OLAH: variants seen among roughly 807,000 people sequenced by gnomAD.
OLAH encodes the protein oleoyl-ACP hydrolase, also known as S-acyl fatty acid synthase thioesterase, medium chain.
A neutral mutation model predicts 27.8 loss-of-function variants in OLAH; 33 were observed. The ratio of observed to expected loss-of-function variants is 1.19; its 90% CI spans 0.90 to 1.59. The LOEUF (loss-of-function observed/expected upper bound fraction) is 1.59. Among genes scored for constraint, OLAH ranks in the 40% most tolerant of loss-of-function variants. OLAH has a pLI of 0.00. For synonymous variants in OLAH, 120 were observed against 102.9 expected, an observed-to-expected ratio of 1.17 and a Z score of -1.01; for missense variants, 359 against 310.8, an observed-to-expected ratio of 1.16 and a Z score of -1.17.
At chr10:15,051,790 C>A (rs1327440020) in intron 3 of OLAH, among the ~76,000 whole-genome samples, 1 of 151,952 alleles carries the variant, frequency 6.6e-6, no homozygotes, top group Non-Finnish European at 1.5e-5. Flanking sequence ...ATCATGTATT[C>A]TTTGGATGAA....
At chr10:15,060,472 C>T (rs10796254) in intron 3 of OLAH, among the ~76,000 whole-genome samples, 27,625 of 151,836 alleles carry the variant, frequency 0.18, 2,711 homozygotes, top group East Asian at 0.31. Context: ...GCCTGGCCAA[C>T]ATGCTTAATT....
intron 3 of OLAH, among the ~76,000 whole-genome samples, chr10:15,060,944 G>C (rs917945298): frequency 1.3e-5 from 2 of 152,172 alleles, no homozygotes; most frequent in African/African-American, 4.8e-5. Flanking sequence ...CTTGATGTTT[G>C]ATTCTGGAGA....
At chr10:15,039,525 C>G (rs1022609891), upstream of OLAH, among the ~76,000 whole-genome samples, 1 of 152,038 alleles carries the variant, frequency 6.6e-6, no homozygotes, top group Admixed American at 6.6e-5. Context: ...TGCAGTGAGC[C>G]GAGATTGTGC....
Position 15,073,371 on chromosome 10 carries a change from T to A in OLAH, c.*142T>A, listed in dbSNP as rs534927849. On this transcript the variant is annotated 3_prime_UTR_variant, in exon 8 of 8. Coordinates refer to ENST00000378228, the MANE Select transcript of OLAH (RefSeq NM_001039702.3). The stretch of plus-strand genomic sequence containing the variant: ...TTCGTTACATAAATATATTTACGTA[T>A]CTGGGGACAAAGGTCAAGCCAGTAA... 10 of 637,654 alleles carry A rather than the reference T, an allele frequency of 1.6e-5. No homozygotes were observed. Among genetic ancestry groups the A allele is most frequent in the Non-Finnish European group, 2.6e-5 (10 of 382,794 alleles). The allele number at this position is 637,654 out of a possible 1,614,324, so 39.5% of individuals were successfully genotyped here.
intron 6 of OLAH, among the ~76,000 whole-genome samples, chr10:15,066,599 T>TTTTTA (rs1449110662): frequency 6.7e-6 from 1 of 150,156 alleles, no homozygotes; most frequent in Non-Finnish European, 1.5e-5. Context: ...ATCTTTCCTA[T>TTTTTA]TTTTATTTTA....
intron 5 of OLAH, 101 bp downstream of exon 5, chr10:15,064,603 T>C (rs1589251490): frequency 1.2e-5 from 8 of 649,274 alleles, no homozygotes; most frequent in Non-Finnish European, 2.1e-5. Context: ...TGGTCCAGTA[T>C]GATGATGATG....
chr10:15,051,447 A>G (rs1052338321), intron 3 of OLAH, among the ~76,000 whole-genome samples: 1 of 152,240 alleles, frequency 6.6e-6, no homozygotes, highest in Non-Finnish European at 1.5e-5. Context: ...ATCTGATCTA[A>G]TGGCTGCAAG....
At chr10:15,069,934 T>G (rs1409941323) in intron 6 of OLAH, among the ~76,000 whole-genome samples, 3 of 152,178 alleles carry the variant, frequency 2.0e-5, no homozygotes, top group Admixed American at 2.0e-4. Context: ...GTTCTCACTG[T>G]GTCTCCAACA....
intron 3 of OLAH, chr10:15,057,082 A>C: frequency 8.1e-7 from 1 of 1,241,428 alleles, no homozygotes; most frequent in Non-Finnish European, 1.0e-6. Context: ...AATATAATCA[A>C]GCTTATTACT....
At chr10:15,047,502 C>G in intron 2 of OLAH, 182 bp downstream of exon 2, 1 of 611,312 alleles carries the variant, frequency 1.6e-6, no homozygotes, top group Non-Finnish European at 3.0e-6. Flanking sequence ...CAAGACCAGC[C>G]TGGCCGACAT....
chr10:15,067,917 C>G (rs1281322089), intron 6 of OLAH: 1 of 152,282 alleles, frequency 6.6e-6, no homozygotes, highest in Non-Finnish European at 1.5e-5. Flanking sequence ...CTGTCCTCCT[C>G]TCTTGCTTCG....
upstream of OLAH, among the ~76,000 whole-genome samples, chr10:15,043,010 G>A (rs528426073): frequency 1.5e-4 from 23 of 151,732 alleles, no homozygotes; most frequent in East Asian, 7.8e-4. Context: ...ACAGGCGCCC[G>A]CCACCACACC....
At chr10:15,057,806 G>GA (rs1400720388) in intron 3 of OLAH, among the ~76,000 whole-genome samples, 2 of 151,958 alleles carry the variant, frequency 1.3e-5, no homozygotes, top group East Asian at 3.9e-4. Context: ...TGCCTTCATG[G>GA]AAAAAAATGA....
intron 4 of OLAH, among the ~76,000 whole-genome samples, chr10:15,062,972 C>T (rs370726603): frequency 3.9e-5 from 6 of 152,112 alleles, no homozygotes; most frequent in East Asian, 1.9e-4. Context: ...CTGCTGACCT[C>T]GAGTGATCCA....
intron 1 of OLAH, among the ~76,000 whole-genome samples, chr10:15,045,404 G>GA (rs934645820): frequency 1.3e-5 from 2 of 152,206 alleles, no homozygotes; most frequent in African/African-American, 4.8e-5. Flanking sequence ...ATTTTTCTTG[G>GA]AAGAACTTGC....
chr10:15,072,158 T>C (rs1379611389), intron 7 of OLAH, among the ~76,000 whole-genome samples: 1 of 152,182 alleles, frequency 6.6e-6, no homozygotes, highest in Non-Finnish European at 1.5e-5. Flanking sequence ...GGCCTCGAAC[T>C]CCTGACCTCA....
intron 2 of OLAH, 137 bp downstream of exon 2, chr10:15,047,457 G>A (rs1844042620): frequency 4.7e-6 from 4 of 844,262 alleles, no homozygotes; most frequent in Non-Finnish European, 7.8e-6. Context: ...CACTTTGGGA[G>A]CCTGAGGCAG....
intron 3 of OLAH, among the ~76,000 whole-genome samples, chr10:15,061,297 G>T (rs995363744): frequency 6.6e-5 from 10 of 152,032 alleles, no homozygotes; most frequent in African/African-American, 1.9e-4. Flanking sequence ...AGAATTTAGG[G>T]TTTCTTAGCT....
At chr10:15,067,081 C>G (rs893681052) in intron 6 of OLAH, among the ~76,000 whole-genome samples, 1 of 152,200 alleles carries the variant, frequency 6.6e-6, no homozygotes, top group Non-Finnish European at 1.5e-5. Context: ...ATTCGCTTGA[C>G]TTAATCTTTC....
Sources: allele counts gnomAD v4.1 joint callset (sites outside exome capture counted in the v4.1 genomes callset), GRCh38; gene constraint gnomAD v4.1.1; transcripts MANE v1.5; gene names NCBI Gene and HGNC (gene_info 2026-07-23, HGNC 2026-07-21).